The following SLC2A9 variants were observed in gnomAD, a reference collection of about 807,000 sequenced individuals.
SLC2A9 encodes solute carrier family 2, facilitated glucose transporter member 9.
SLC2A9 carries 39 observed loss-of-function variants against 50.6 expected under a neutral mutation model. The ratio of observed to expected loss-of-function variants is 0.77; its 90% CI spans 0.60 to 1.01. SLC2A9 has a LOEUF of 1.01. Ranked by LOEUF, SLC2A9 falls within the 50% of genes least tolerant of loss-of-function variation. SLC2A9 has a pLI of 0.00. For missense variants in SLC2A9, 686 were observed against 677.6 expected, an observed-to-expected ratio of 1.01 and a Z score of -0.14; for synonymous variants, 324 against 276.9, an observed-to-expected ratio of 1.17 and a Z score of -1.69.
intron 10 of SLC2A9, among the ~76,000 whole-genome samples, chr4:9,838,959 G>A (rs879349028): frequency 6.6e-6 from 1 of 152,048 alleles, no homozygotes; most frequent in Non-Finnish European, 1.5e-5. Context: ...ATTTCATGAC[G>A]AGAACACCAA....
chr4:9,790,807 C>T (rs990723143), intron 3 of SLC2A9, among the ~76,000 whole-genome samples: 1 of 152,168 alleles, frequency 6.6e-6, no homozygotes, highest in South Asian at 2.1e-4. Context: ...TATATAGCCA[C>T]AATCGAAAAA....
At chr4:9,958,967 A>G (rs1751781758) in intron 5 of SLC2A9, among the ~76,000 whole-genome samples, 1 of 135,114 alleles carries the variant, frequency 7.4e-6, no homozygotes, top group Non-Finnish European at 1.6e-5. Flanking sequence ...CTCCAGGAAA[A>G]ACAAAAGGTT....
chr4:9,860,918 C>T (rs899318470), intron 10 of SLC2A9, among the ~76,000 whole-genome samples: 4 of 152,190 alleles, frequency 2.6e-5, no homozygotes, highest in Admixed American at 1.3e-4. Flanking sequence ...CAGATGTGTG[C>T]GTGGCTGCCT....
chr4:10,027,097 T>G (rs1303428679), intron 1 of SLC2A9, among the ~76,000 whole-genome samples: 4 of 152,008 alleles, frequency 2.6e-5, no homozygotes, highest in Admixed American at 2.6e-4. Flanking sequence ...CTTTTATGAT[T>G]TCATTTATAT....
intron 7 of SLC2A9, among the ~76,000 whole-genome samples, chr4:9,913,816 A>G (rs1468392760): frequency 1.3e-5 from 2 of 152,230 alleles, no homozygotes; most frequent in East Asian, 3.8e-4. Flanking sequence ...ACTAACTGCC[A>G]CTTATGAAGC....
At chr4:9,935,021 T>C (rs1159647345) in intron 6 of SLC2A9, among the ~76,000 whole-genome samples, 2 of 152,274 alleles carry the variant, frequency 1.3e-5, no homozygotes, top group African/African-American at 4.8e-5. Flanking sequence ...TATTCCATGG[T>C]ATATATGCAC....
intron 8 of SLC2A9, among the ~76,000 whole-genome samples, chr4:9,899,720 G>A (rs1054573246): frequency 5.3e-5 from 8 of 152,182 alleles, no homozygotes; most frequent in African/African-American, 1.9e-4. Flanking sequence ...TTTAAATAAT[G>A]ATCATCCCAG....
At chr4:9,967,210 C>G (rs1180501792) in intron 5 of SLC2A9, among the ~76,000 whole-genome samples, 2 of 152,110 alleles carry the variant, frequency 1.3e-5, no homozygotes, top group African/African-American at 2.4e-5. Flanking sequence ...AAAACTATCA[C>G]AGCAAATAAT....
chr4:9,837,028 C>T (rs990042341), intron 10 of SLC2A9, among the ~76,000 whole-genome samples: 3 of 152,140 alleles, frequency 2.0e-5, no homozygotes, highest in African/African-American at 7.2e-5. Context: ...CCGTTATCAC[C>T]CCACTATGAT....
chr4:9,878,893 T>G, intron 10 of SLC2A9: 1 of 290,766 alleles, frequency 3.4e-6, no homozygotes, highest in Non-Finnish European at 5.1e-6. Context: ...TGGAGACAAA[T>G]TGAAGAGGTG....
chr4:9,786,081 A>C (rs571780539), intron 3 of SLC2A9, among the ~76,000 whole-genome samples: 1 of 152,230 alleles, frequency 6.6e-6, no homozygotes, highest in South Asian at 2.1e-4. Context: ...CCCTCGGAGG[A>C]GTGTGGCTGG....
chr4:10,017,654 G>A (rs924732901), intron 2 of SLC2A9, among the ~76,000 whole-genome samples: 3 of 152,204 alleles, frequency 2.0e-5, no homozygotes, highest in Non-Finnish European at 4.4e-5. Context: ...CCTATGTTTT[G>A]TACACAAGGA....
intron 6 of SLC2A9, among the ~76,000 whole-genome samples, chr4:9,932,286 A>G (rs899822092): frequency 2.6e-5 from 4 of 151,932 alleles, no homozygotes; most frequent in African/African-American, 9.7e-5. Context: ...AGCCTTTGGT[A>G]TACTTTGGTT....
At chr4:10,029,833 G>A (rs190838812) in intron 1 of SLC2A9, among the ~76,000 whole-genome samples, 4 of 151,554 alleles carry the variant, frequency 2.6e-5, no homozygotes, top group Admixed American at 6.6e-5. Flanking sequence ...ATGGGGTTTC[G>A]CCATGTTGGC....
Position 9,999,682 on chromosome 4 carries a change from C to T in SLC2A9, c.250-2741G>A, listed in dbSNP as rs149441768. Among the ~76,000 whole-genome samples, 24 of 152,052 alleles carry T rather than the reference C, an allele frequency of 1.6e-4. No homozygotes were observed. In the East Asian group the frequency reaches 4.5e-3, roughly 28 times the overall value. ...GGGCCTGATAGGTCATGGAAGTTAG[C>T]CTGGTTTTTACTTGGATTCTACTCT... On this transcript the variant is annotated intron_variant, in intron 2 of 11. Transcript: ENST00000264784.
upstream of SLC2A9, among the ~76,000 whole-genome samples, chr4:10,025,500 C>T (rs925977846): frequency 1.3e-5 from 2 of 152,106 alleles, no homozygotes; most frequent in African/African-American, 4.8e-5. Flanking sequence ...GAAAGTCATT[C>T]TATTAATAGG....
At chr4:9,928,614 G>C (rs1409364076) in intron 6 of SLC2A9, among the ~76,000 whole-genome samples, 1 of 152,062 alleles carries the variant, frequency 6.6e-6, no homozygotes, top group African/African-American at 2.4e-5. Flanking sequence ...GGTGCCTGTT[G>C]TCCCAGCTAC....
chr4:9,903,133 C>T (rs762989967), intron 8 of SLC2A9, among the ~76,000 whole-genome samples: 1 of 152,246 alleles, frequency 6.6e-6, no homozygotes, highest in African/African-American at 2.4e-5. Flanking sequence ...CCTTTTACCA[C>T]GTTCTGCTCT....
At chr4:9,793,151 G>A (rs1720176067) in intron 3 of SLC2A9, among the ~76,000 whole-genome samples, 1 of 152,222 alleles carries the variant, frequency 6.6e-6, no homozygotes, top group Non-Finnish European at 1.5e-5. Context: ...AGATTTTGCA[G>A]CCTGAACAGA....
Sources: gnomAD v4.1 joint callset for allele counts (sites outside exome capture counted in the v4.1 genomes callset) on GRCh38, gnomAD v4.1.1 for gene constraint, MANE v1.5 for transcripts, NCBI Gene and HGNC (gene_info 2026-07-23, HGNC 2026-07-21) for gene names.